The following PIANP variants were observed in gnomAD, a reference collection of about 807,000 sequenced individuals.
PIANP encodes PILR alpha-associated neural protein.
A neutral mutation model predicts 28.9 loss-of-function variants in PIANP; 14 were observed. The observed-to-expected ratio is 0.49, with a 90% confidence interval of 0.32 to 0.76. The LOEUF (loss-of-function observed/expected upper bound fraction) is 0.76, where lower values mean the gene tolerates loss of function less well. PIANP is among the 30% of genes least tolerant of loss of function. The pLI is 0.03. For synonymous variants in PIANP, 149 were observed against 156.6 expected, an observed-to-expected ratio of 0.95 and a Z score of 0.36; for missense variants, 322 against 371.8, an observed-to-expected ratio of 0.87 and a Z score of 1.10.
In PIANP at chr12:6,694,837, A is replaced by G; in HGVS notation, c.*589T>C. 1.7e-6 allele frequency: 1 copy of G among 601,034 alleles called. No homozygotes were observed. The highest frequency in any genetic ancestry group is 2.8e-6 in the Non-Finnish European group (1 of 354,886). 37.2% of individuals were successfully genotyped at this position (601,034 alleles called of 1,614,324 possible). ...TGGGGACAGGGACCCGAAGTCACAG[A>G]TATGTGAGGCCCCCACCTGCAGGAG... On this transcript the variant is annotated 3_prime_UTR_variant, in exon 5 of 5. Coordinates refer to ENST00000534837, the MANE Select transcript of PIANP (RefSeq NM_001244014.2). This position sits in a 1 kb window ranked among gnomAD's most constrained non-coding sequence, Gnocchi z 6.1.
chr12:6,695,357 A>AC lies in PIANP; in HGVS notation c.*68dup. 1 of 1,399,782 alleles carries AC rather than the reference A, an allele frequency of 7.1e-7. No individual in the cohort carries two copies. The highest frequency in any genetic ancestry group is 9.3e-7 in the Non-Finnish European group (1 of 1,072,136). 86.7% of individuals were successfully genotyped at this position (1,399,782 alleles called of 1,614,324 possible). A position where few individuals can be genotyped will look rare whatever the true frequency, so the allele number is the denominator to read the frequency against. ...CCTCCTCACTACCCATCCAGAGGGC[A>AC]CCCCCACCCCAGCTCTGAAGACCTA... On this transcript the variant is annotated 3_prime_UTR_variant, in exon 5 of 5. Transcript: ENST00000534837. The surrounding 1 kb of genome is among the most constrained non-coding windows in gnomAD (Gnocchi z 4.2).
At position 6,697,142 on chromosome 12, in the gene PIANP, G is replaced by T; in HGVS notation, c.523+145C>A. ...CTCCAGTGGACCTGAACTCCGAGAG[G>T]GTGTCTTTATCTCTGCATCCTGTGC... is the stretch of plus-strand genomic sequence containing the variant. On this transcript the variant is annotated intron_variant, in intron 3 of 4. Coordinates refer to ENST00000534837, the MANE Select transcript of PIANP (RefSeq NM_001244014.2). The surrounding 1 kb of genome is among the most constrained non-coding windows in gnomAD (Gnocchi z 6.9). 8.4e-7 allele frequency: 1 copy of T among 1,196,846 alleles called. No homozygotes were observed. The allele number at this position is 1,196,846 out of a possible 1,614,324, so 74.1% of individuals were successfully genotyped here. A position where few individuals can be genotyped will look rare whatever the true frequency, so the allele number is the denominator to read the frequency against.
chr12:6,692,574 C>T (rs1351632230), downstream of PIANP, among the ~76,000 whole-genome samples: 2 of 152,184 alleles, frequency 1.3e-5, no homozygotes, highest in East Asian at 3.8e-4. Context: ...TTATCCAGCC[C>T]GCTCTCCCAT....
At position 6,695,499 on chromosome 12, in the gene PIANP, T is replaced by C; in HGVS notation, c.758A>G (p.Glu253Gly). ...GDSPTPTPDH[E>G]EPRGGPRPGM... Reference sequence around the variant, plus strand: ...AGGCCGGGGTCCCCCTCGGGGCTCCTCATGGTCAGGGGTGGGGGTAGGTGA... The same window carrying C: ...AGGCCGGGGTCCCCCTCGGGGCTCCCCATGGTCAGGGGTGGGGGTAGGTGA... The change falls in exon 5 of 5, where the codon GAG becomes GGG. Residue 253 changes from glutamate (E) to glycine (G), a missense_variant. Physicochemically the swap from Glu to Gly is moderately conservative, Grantham distance 98. Coordinates refer to ENST00000534837, the MANE Select transcript of PIANP (RefSeq NM_001244014.2). This position sits in a 1 kb window ranked among gnomAD's most constrained non-coding sequence, Gnocchi z 4.2. The C allele has an allele frequency of 6.5e-7, 1 of 1,544,386 alleles. No individual in the cohort carries two copies. The highest frequency in any genetic ancestry group is 8.7e-7 in the Non-Finnish European group (1 of 1,145,378).
At position 6,695,431 on chromosome 12, in the gene PIANP, G is replaced by A. The variant is rs761121130; in HGVS notation, c.826C>T (p.Arg276Trp). The change falls in exon 5 of 5, where the codon CGG becomes TGG. Residue 276 changes from arginine (R) to tryptophan (W), a missense_variant. Arg to Trp is a moderately radical substitution (Grantham distance 101). Coordinates refer to ENST00000534837, the MANE Select transcript of PIANP (RefSeq NM_001244014.2). This position sits in a 1 kb window ranked among gnomAD's most constrained non-coding sequence, Gnocchi z 4.2. ...CCATCCCATTGCCCCTGCCCTCACC[G>A]GTTCAACTGGAAGGCTGGAGCCCCC... ...PKGAPAFQLN[R>W] 26 of 1,490,734 alleles carry A rather than the reference G, an allele frequency of 1.7e-5. No individual in the cohort carries two copies. Among genetic ancestry groups the A allele is most frequent in the Non-Finnish European group, 2.2e-5 (25 of 1,120,540 alleles). The allele number at this position is 1,490,734 out of a possible 1,614,324, so 92.3% of individuals were successfully genotyped here.
chr12:6,695,735 C>T lies in PIANP; in HGVS notation c.606-84G>A, dbSNP rs910232885. The stretch of plus-strand genomic sequence containing the variant: ...CTGCACCAGTGGTCACCCCCAGCCT[C>T]GCCCAGTCACTCCCAACATCTTATA... On this transcript the variant is annotated intron_variant, in intron 4 of 4. Coordinates refer to ENST00000534837, the MANE Select transcript of PIANP (RefSeq NM_001244014.2). The surrounding 1 kb of genome is among the most constrained non-coding windows in gnomAD (Gnocchi z 4.2). 65 of 1,350,064 alleles carry T rather than the reference C, an allele frequency of 4.8e-5. No individual in the cohort carries two copies. The highest frequency in any genetic ancestry group is 6.2e-5 in the Non-Finnish European group (65 of 1,041,842). The allele number at this position is 1,350,064 out of a possible 1,614,324, so 83.6% of individuals were successfully genotyped here.
Position 6,697,715 on chromosome 12 carries a change from G to C in PIANP, c.95C>G (p.Ser32Cys). The C allele has an allele frequency of 6.4e-7, 1 of 1,555,008 alleles. No homozygotes were observed. Residue 32 changes from serine (S) to cysteine (C), a missense_variant, in exon 3 of 5, where the codon TCT (serine) becomes TGT (cysteine). Transcript: ENST00000534837. The surrounding 1 kb of genome is among the most constrained non-coding windows in gnomAD (Gnocchi z 6.9). ...LLPLPPPAQG[S>C]SSSPRTPPAP... ...TGGTGGGGTTCGAGGGGAGGATGAA[G>C]AGCCCTGAGCAGGCGGTGGGAGGGG...
rs193224284 is a variant in PIANP, at chr12:6,696,784, A to T, written c.524-260T>A. ...GTGATGAGGATGAGGCCCCATGATC[A>T]GCGAGAACCTATCACTATGCCTGGA... On this transcript the variant is annotated intron_variant, in intron 3 of 4. Transcript: ENST00000534837. The surrounding 1 kb of genome is among the most constrained non-coding windows in gnomAD (Gnocchi z 4.0). Among the ~76,000 whole-genome samples, 3 of 152,326 alleles carry T rather than the reference A, an allele frequency of 2.0e-5. No homozygotes were observed. In the East Asian group the frequency reaches 5.8e-4, roughly 29 times the overall value.
chr12:6,695,186 A>G lies in PIANP; in HGVS notation c.*240T>C, dbSNP rs1195763508. ...TTGTCTTAGACAAGGTGGCATGAGA[A>G]AAAACCAAAGAGGGCAGAGTTGGAG... is the stretch of plus-strand genomic sequence containing the variant. On this transcript the variant is annotated 3_prime_UTR_variant, in exon 5 of 5. Coordinates refer to ENST00000534837, the MANE Select transcript of PIANP (RefSeq NM_001244014.2). The surrounding 1 kb of genome is among the most constrained non-coding windows in gnomAD (Gnocchi z 4.2). 50 of 1,460,506 alleles carry G rather than the reference A, an allele frequency of 3.4e-5. No individual in the cohort carries two copies. Among genetic ancestry groups the G allele is most frequent in the Non-Finnish European group, 4.3e-5 (47 of 1,099,088 alleles). The allele number at this position is 1,460,506 out of a possible 1,614,324, so 90.5% of individuals were successfully genotyped here.
Position 6,698,036 on chromosome 12 carries a change from C to T in PIANP, c.17+9G>A. 3 of 1,560,216 alleles carry T rather than the reference C, an allele frequency of 1.9e-6. No individual in the cohort carries two copies. Among genetic ancestry groups the T allele is most frequent in the East Asian group, 4.8e-5 (2 of 41,966 alleles). On this transcript the variant is annotated intron_variant, in intron 2 of 4. Transcript: ENST00000534837. ...GGTCTCCAGGCTCCCTCTGCTGGGC[C>T]AAACTTACCACATCCTGGACTCCAT...
chr12:6,697,550 G>A lies in PIANP; in HGVS notation c.260C>T (p.Pro87Leu), dbSNP rs1959906921. The A allele has an allele frequency of 1.2e-6, 2 of 1,606,696 alleles. No individual in the cohort carries two copies. Among genetic ancestry groups the A allele is most frequent in the Non-Finnish European group, 1.7e-6 (2 of 1,176,576 alleles). The change falls in exon 3 of 5, where the codon CCA (proline) becomes CTA (leucine). Residue 87 changes from proline (P) to leucine (L), a missense_variant. By Grantham distance (98) the Pro-to-Leu change is moderately conservative (BLOSUM62 -3). Coordinates refer to ENST00000534837, the MANE Select transcript of PIANP (RefSeq NM_001244014.2). The surrounding 1 kb of genome is among the most constrained non-coding windows in gnomAD (Gnocchi z 6.9). ...CTCCTCAAAGCCTGATGGGGTGGCTGGGGGTGCAGTGCCAGGCAGGACTTG... is the reference window on the plus strand; with the variant it reads ...CTCCTCAAAGCCTGATGGGGTGGCTAGGGGTGCAGTGCCAGGCAGGACTTG... ...RRQVLPGTAP[P>L]ATPSGFEEGP...
chr12:6,695,217 G>A lies in PIANP; in HGVS notation c.*209C>T. The stretch of plus-strand genomic sequence containing the variant: ...CAAAGAGGGCAGAGTTGGAGTTATG[G>A]GCAGCAGAGAATAGGACACAGATCC... On this transcript the variant is annotated 3_prime_UTR_variant, in exon 5 of 5. Coordinates refer to ENST00000534837, the MANE Select transcript of PIANP (RefSeq NM_001244014.2). This position sits in a 1 kb window ranked among gnomAD's most constrained non-coding sequence, Gnocchi z 4.2. 6.9e-7 allele frequency: 1 copy of A among 1,445,220 alleles called. No individual in the cohort carries two copies. Among genetic ancestry groups the A allele is most frequent in the East Asian group, 2.5e-5 (1 of 39,650 alleles). 89.5% of individuals were successfully genotyped at this position (1,445,220 alleles called of 1,614,324 possible). A position where few individuals can be genotyped will look rare whatever the true frequency, so the allele number is the denominator to read the frequency against.
chr12:6,695,066 A>G lies in PIANP; in HGVS notation c.*360T>C. Reference sequence around the variant, plus strand: ...GATTCACCAGGGGAATCCTGAGAGGAAGAGGGAAAGGGCACAGTCAGGAAC... The same window carrying G: ...GATTCACCAGGGGAATCCTGAGAGGGAGAGGGAAAGGGCACAGTCAGGAAC... On this transcript the variant is annotated 3_prime_UTR_variant, in exon 5 of 5. Coordinates refer to ENST00000534837, the MANE Select transcript of PIANP (RefSeq NM_001244014.2). This position sits in a 1 kb window ranked among gnomAD's most constrained non-coding sequence, Gnocchi z 4.2. 1 of 1,575,484 alleles carries G rather than the reference A, an allele frequency of 6.3e-7. No individual in the cohort carries two copies. The highest frequency in any genetic ancestry group is 2.3e-5 in the East Asian group (1 of 42,912).
At position 6,697,609 on chromosome 12, in the gene PIANP, T is replaced by C; in HGVS notation, c.201A>G (p.Pro67=). ...HVCVWERAPP[P]SRSPRVPRSR... The stretch of plus-strand genomic sequence containing the variant: ...ATCTTGGGACCCGAGGAGATCGGCT[T>C]GGTGGAGGTGCTCGCTCCCACACGC... The change falls in exon 3 of 5, where the codon CCA becomes CCG. Residue 67 remains proline, a synonymous_variant. Coordinates refer to ENST00000534837, the MANE Select transcript of PIANP (RefSeq NM_001244014.2). This position sits in a 1 kb window ranked among gnomAD's most constrained non-coding sequence, Gnocchi z 6.9. 6.4e-7 allele frequency: 1 copy of C among 1,568,912 alleles called. No homozygotes were observed. The highest frequency in any genetic ancestry group is 8.6e-7 in the Non-Finnish European group (1 of 1,157,812).
chr12:6,699,718 G>A (rs180682616), intron 1 of PIANP, among the ~76,000 whole-genome samples: 3 of 151,694 alleles, frequency 2.0e-5, no homozygotes, highest in Non-Finnish European at 4.4e-5. Context: ...AAGTGGGGAA[G>A]GAGAGAACAT....
chr12:6,692,271 AG>A (rs1959719185), downstream of PIANP, among the ~76,000 whole-genome samples: 1 of 152,208 alleles, frequency 6.6e-6, no homozygotes, highest in Non-Finnish European at 1.5e-5. Context: ...CCTCTTCATT[AG>A]GGGCCTTCAT....
At position 6,696,330 on chromosome 12, in the gene PIANP, AG is replaced by A. The variant is rs1422863237; in HGVS notation, c.605+112del. 2.7e-6 allele frequency: 2 copies of A among 731,312 alleles called. No homozygotes were observed. The highest frequency in any genetic ancestry group is 4.3e-6 in the Non-Finnish European group (2 of 461,276). The allele number at this position is 731,312 out of a possible 1,614,324, so 45.3% of individuals were successfully genotyped here. ...TTTTCCCAAGGTCTTGCCTTCATCC[AG>A]CATTTCCCACCCACCCCCCAGCAAA... On this transcript the variant is annotated intron_variant, in intron 4 of 4. Transcript: ENST00000534837. This position sits in a 1 kb window ranked among gnomAD's most constrained non-coding sequence, Gnocchi z 4.0.
Position 6,696,598 on chromosome 12 carries a change from T to G in PIANP, c.524-74A>C, listed in dbSNP as rs1051057915. ...CCAAGAGGGGCTGGGGGCTGGGCTG[T>G]GGGCTCTGTCGGCTGGAGTGGCATT... On this transcript the variant is annotated intron_variant, in intron 3 of 4. Transcript: ENST00000534837. The surrounding 1 kb of genome is among the most constrained non-coding windows in gnomAD (Gnocchi z 4.0). The G allele has an allele frequency of 2.7e-6, 3 of 1,111,042 alleles. No individual in the cohort carries two copies. In the African/African-American group the frequency reaches 4.8e-5, roughly 18 times the overall value. The allele number at this position is 1,111,042 out of a possible 1,614,324, so 68.8% of individuals were successfully genotyped here.
In PIANP at chr12:6,694,772, GGAGGT is replaced by G. The variant is rs1447690654; in HGVS notation, c.*649_*653del. 2 of 454,314 alleles carry G rather than the reference GGAGGT, an allele frequency of 4.4e-6. No individual in the cohort carries two copies. The highest frequency in any genetic ancestry group is 3.9e-5 in the African/African-American group (2 of 51,326). The allele number at this position is 454,314 out of a possible 1,614,324, so 28.1% of individuals were successfully genotyped here. ...GCGTGTGCAAATGGCCTGTGAAGGT[GGAGGT>G]GAGTGTGCAAGGCTTTCATGTGAGT... On this transcript the variant is annotated 3_prime_UTR_variant, in exon 5 of 5. Coordinates refer to ENST00000534837, the MANE Select transcript of PIANP (RefSeq NM_001244014.2). This position sits in a 1 kb window ranked among gnomAD's most constrained non-coding sequence, Gnocchi z 6.1.
Sources: allele counts gnomAD v4.1 joint callset (sites outside exome capture counted in the v4.1 genomes callset), GRCh38; gene constraint gnomAD v4.1.1; non-coding constraint Gnocchi (gnomAD v3.1); transcripts MANE v1.5; gene names NCBI Gene and HGNC (gene_info 2026-07-23, HGNC 2026-07-21).